The following KIAA1217 variants were observed in gnomAD, a reference collection of about 807,000 sequenced individuals.
KIAA1217 encodes the protein sickle tail protein homolog.
A neutral mutation model predicts 163.9 loss-of-function variants in KIAA1217; 88 were observed. The observed-to-expected ratio is 0.54, with a 90% CI of 0.45 to 0.64. The LOEUF (loss-of-function observed/expected upper bound fraction) is 0.64. KIAA1217 is among the 30% of genes least tolerant of loss of function. KIAA1217 has a pLI of 0.00. For missense variants in KIAA1217, 2,372 were observed against 2,475.0 expected (o/e 0.96, Z 0.88); for synonymous variants, 903 against 923.1 (o/e 0.98, Z 0.39).
intron 2 of KIAA1217, among the ~76,000 whole-genome samples, chr10:24,201,949 C>G (rs1297312492): frequency 6.6e-6 from 1 of 152,138 alleles, no homozygotes; most frequent in African/African-American, 2.4e-5. Context: ...ATCCAGCACC[C>G]CATTCCCAAT....
intron 2 of KIAA1217, among the ~76,000 whole-genome samples, chr10:24,035,629 G>GTCC (rs1335138817): frequency 1.3e-5 from 2 of 152,294 alleles, no homozygotes; most frequent in African/African-American, 4.8e-5. Context: ...GCACAGTGAG[G>GTCC]TGGTCACGTG....
chr10:23,879,729 T>C (rs545644426), intron 1 of KIAA1217, among the ~76,000 whole-genome samples: 2 of 151,846 alleles, frequency 1.3e-5, no homozygotes, highest in East Asian at 3.9e-4. Context: ...TTAGCTAAAG[T>C]AGGAGGTGGG....
chr10:24,529,664 C>T lies in KIAA1217; in HGVS notation c.3082+1545C>T, dbSNP rs139307451. Among the ~76,000 whole-genome samples the T allele has an allele frequency of 5.3e-4, 81 of 152,196 alleles. No individual in the cohort carries two copies. The East Asian group carries it at 0.014, about 26-fold the overall frequency. On this transcript the variant is annotated intron_variant, in intron 14 of 20. Transcript: ENST00000376454. ...AGTCTGTGCTAAGAGGCTTTTCTTA[C>T]ACCTTTCCCCACCATCCAGCTGTGT...
chr10:23,830,706 G>A (rs573905236), intron 1 of KIAA1217, among the ~76,000 whole-genome samples: 52 of 126,872 alleles, frequency 4.1e-4, no homozygotes, highest in African/African-American at 1.3e-3. Flanking sequence ...AGGTAGGTAG[G>A]TAGATAGATA....
Position 24,292,924 on chromosome 10 carries a change from C to T in KIAA1217, c.354+73015C>T, listed in dbSNP as rs146288152. 4.6e-5 allele frequency among the ~76,000 whole-genome samples: 7 copies of T among 152,154 alleles called. 1 individual carries two copies. The East Asian group carries it at 5.8e-4, about 13-fold the overall frequency. ...TATGATCTGAGTATATCTGGAAATA[C>T]GCAGACATCTAGTACTTCACTTGCA... On this transcript the variant is annotated intron_variant, in intron 2 of 20. Coordinates refer to ENST00000376454, the MANE Select transcript of KIAA1217 (RefSeq NM_019590.5).
At chr10:24,478,009 A>G (rs1488691634) in intron 6 of KIAA1217, among the ~76,000 whole-genome samples, 1 of 152,260 alleles carries the variant, frequency 6.6e-6, no homozygotes, top group Non-Finnish European at 1.5e-5. Context: ...GCAAATAAAT[A>G]TGAGAGTGTT....
At chr10:24,216,161 G>A (rs916047891) in intron 1 of KIAA1217, among the ~76,000 whole-genome samples, 1 of 152,158 alleles carries the variant, frequency 6.6e-6, no homozygotes, top group Non-Finnish European at 1.5e-5. Context: ...GATTAATGTG[G>A]ACTGAAGATT....
At chr10:24,092,433 TCAAA>T (rs1027256379) in intron 2 of KIAA1217, among the ~76,000 whole-genome samples, 2 of 151,760 alleles carry the variant, frequency 1.3e-5, no homozygotes, top group East Asian at 3.8e-4. Context: ...AACCTAATGT[TCAAA>T]CAAAGCCTGT....
chr10:23,851,009 C>T (rs7096858), intron 1 of KIAA1217, among the ~76,000 whole-genome samples: 20,137 of 151,538 alleles, frequency 0.13, 4,074 homozygotes, highest in African/African-American at 0.44. Context: ...CTGGGGATTA[C>T]AATTTTTTTT....
At chr10:23,785,542 A>G (rs1293093288) in intron 1 of KIAA1217, among the ~76,000 whole-genome samples, 2 of 152,166 alleles carry the variant, frequency 1.3e-5, no homozygotes, top group East Asian at 3.9e-4. Context: ...AAAACCTTGT[A>G]AATATGCACA....
chr10:24,520,181 G>A lies in KIAA1217; in HGVS notation c.2236G>A (p.Val746Ile), dbSNP rs1564846402. ...GGACTCCACGGCAGCCAGCCGATTG[G>A]TTACTCTGAAAGACGTGGAAGACGG... ...KKDSTAASRL[V>I]TLKDVEDGAF... is the part of the protein sequence containing the mutation. Residue 746 changes from valine to isoleucine, a missense_variant, in exon 11 of 21, where the codon GTT becomes ATT. Coordinates refer to ENST00000376454, the MANE Select transcript of KIAA1217 (RefSeq NM_019590.5). 1.9e-6 allele frequency: 3 copies of A among 1,613,996 alleles called. No individual in the cohort carries two copies. The highest frequency in any genetic ancestry group is 1.3e-5 in the African/African-American group (1 of 74,916).
At position 24,464,998 on chromosome 10, in the gene KIAA1217, G is replaced by A. The variant is rs77815990; in HGVS notation, c.847-8230G>A. ...TTAGCACACCTCACGCCATAAGACA[G>A]GGTCTTTGGAGGATGTGATAGGGGC... On this transcript the variant is annotated intron_variant, in intron 5 of 20. Transcript: ENST00000376454. Among the ~76,000 whole-genome samples the A allele has an allele frequency of 5.2e-3, 794 of 152,284 alleles. 10 individuals carry two copies. The highest frequency in any genetic ancestry group is 0.018 in the African/African-American group (764 of 41,556).
At chr10:24,215,668 C>G (rs1442067717) in intron 1 of KIAA1217, among the ~76,000 whole-genome samples, 1 of 152,188 alleles carries the variant, frequency 6.6e-6, no homozygotes, top group Non-Finnish European at 1.5e-5. Context: ...GCTGGAATGG[C>G]AGAGTTGTTG....
chr10:24,087,783 C>CA (rs2061750586), intron 2 of KIAA1217, among the ~76,000 whole-genome samples: 1 of 152,198 alleles, frequency 6.6e-6, no homozygotes, highest in South Asian at 2.1e-4. Flanking sequence ...CTCACAGTGA[C>CA]AGACTTCAGC....
At chr10:24,340,562 G>A (rs534565491) in intron 2 of KIAA1217, among the ~76,000 whole-genome samples, 12 of 152,124 alleles carry the variant, frequency 7.9e-5, no homozygotes, top group Non-Finnish European at 1.5e-4. Flanking sequence ...TAATACAGCC[G>A]GTTAATATCC....
At chr10:24,320,819 G>A (rs1255152066) in intron 2 of KIAA1217, among the ~76,000 whole-genome samples, 4 of 151,812 alleles carry the variant, frequency 2.6e-5, no homozygotes, top group African/African-American at 4.8e-5. Context: ...TGAGGCGGGC[G>A]GATCACGAGG....
chr10:24,089,501 G>T, intron 2 of KIAA1217, among the ~76,000 whole-genome samples: 1 of 75,654 alleles, frequency 1.3e-5, no homozygotes, highest in East Asian at 2.1e-4. Flanking sequence ...TCCAGTTTCA[G>T]CTTTCTACAT....
At chr10:24,298,331 T>G (rs925211968) in intron 2 of KIAA1217, among the ~76,000 whole-genome samples, 2 of 152,218 alleles carry the variant, frequency 1.3e-5, no homozygotes, top group African/African-American at 4.8e-5. Context: ...TGTATTGATT[T>G]TTTTAAATCT....
chr10:24,544,018 C>T lies in KIAA1217; in HGVS notation c.4748C>T (p.Ala1583Val), dbSNP rs773862720. 1.2e-6 allele frequency: 2 copies of T among 1,614,134 alleles called. No individual in the cohort carries two copies. Among genetic ancestry groups the T allele is most frequent in the East Asian group, 4.5e-5 (2 of 44,864 alleles). ...FKFKFPKKQL[A>V]ALTQAIRTGT... ...TTCAAATTCCCTAAGAAGCAACTCGCCGCTCTCACTCAAGCCATTCGCACC... is the reference window on the plus strand; with the variant it reads ...TTCAAATTCCCTAAGAAGCAACTCGTCGCTCTCACTCAAGCCATTCGCACC... The change falls in exon 19 of 21, where the codon GCC becomes GTC. Residue 1583 changes from alanine (A) to valine (V), a missense_variant. Around this residue, in one of 3 missense-constraint regions of KIAA1217, gnomAD observed 690 missense variants for 677.5 expected, o/e 1.02. Transcript: ENST00000376454.
Sources: allele counts gnomAD v4.1 joint callset (sites outside exome capture counted in the v4.1 genomes callset), GRCh38; gene constraint gnomAD v4.1.1; regional missense constraint gnomAD v4.1.1; transcripts MANE v1.5; gene names NCBI Gene and HGNC (gene_info 2026-07-23, HGNC 2026-07-21).